DAPK2: variants seen among roughly 807,000 people sequenced by gnomAD.
DAPK2 encodes the protein death associated protein kinase 2, also known as death-associated protein kinase 2.
Under a neutral mutation model 44.1 loss-of-function variants are expected in DAPK2, and 35 were observed. That is an observed-to-expected ratio of 0.79 (90% confidence interval 0.61 to 1.05). The LOEUF (loss-of-function observed/expected upper bound fraction) is 1.05, where lower values mean the gene tolerates loss of function less well. DAPK2 is among the 50% of genes least tolerant of loss of function. The pLI, the probability that DAPK2 is intolerant of heterozygous loss-of-function variation, is 0.00. For missense variants in DAPK2, 453 were observed against 483.2 expected, an observed-to-expected ratio of 0.94 and a Z score of 0.59; for synonymous variants, 174 against 182.6, an observed-to-expected ratio of 0.95 and a Z score of 0.38.
chr15:64,022,021 G>A (rs925143412), intron 1 of DAPK2, among the ~76,000 whole-genome samples: 1 of 152,180 alleles, frequency 6.6e-6, no homozygotes, highest in Non-Finnish European at 1.5e-5. Flanking sequence ...CACTGGATAG[G>A]GTGGAGATGG....
chr15:63,908,681 T>G lies in DAPK2; in HGVS notation c.1033-81A>C. ...ATGGGGCTGTGCTGGGCAACCTGGG[T>G]TGATTCACCTGGACCACGGGACTAC... is the stretch of plus-strand genomic sequence containing the variant. On this transcript the variant is annotated intron_variant, in intron 10 of 10. Coordinates refer to ENST00000261891, the Ensembl canonical transcript of DAPK2. The surrounding 1 kb of genome is among the most constrained non-coding windows in gnomAD (Gnocchi z 5.7). The G allele has an allele frequency of 8.1e-7, 1 of 1,229,144 alleles. No homozygotes were observed. The highest frequency in any genetic ancestry group is 2.8e-5 in the East Asian group (1 of 35,706). 76.1% of individuals were successfully genotyped at this position (1,229,144 alleles called of 1,614,324 possible). A position where few individuals can be genotyped will look rare whatever the true frequency, so the allele number is the denominator to read the frequency against.
chr15:63,970,494 C>G (rs2140733607), intron 3 of DAPK2, among the ~76,000 whole-genome samples: 1 of 152,308 alleles, frequency 6.6e-6, no homozygotes, highest in East Asian at 1.9e-4. Context: ...CCCCACCCAC[C>G]CTGGGCTTCC....
intron 1 of DAPK2, among the ~76,000 whole-genome samples, chr15:64,016,843 GGAAGGAAGGAAGGAA>G (rs2079542522): frequency 4.4e-3 from 6 of 1,376 alleles, no homozygotes; most frequent in Non-Finnish European, 0.031. Flanking sequence ...AAGGAGGGAA[GGAAGGAAGGAAGGAA>G]GGAAGGAAGG....
chr15:64,012,138 G>A (rs2141026143), intron 1 of DAPK2, among the ~76,000 whole-genome samples: 1 of 152,274 alleles, frequency 6.6e-6, no homozygotes, highest in Admixed American at 6.5e-5. Context: ...ATACATTACT[G>A]ACTGTCACTA....
intron 1 of DAPK2, among the ~76,000 whole-genome samples, chr15:64,036,336 T>TATATATAC (rs1331157703): frequency 1.0e-4 from 12 of 115,096 alleles, no homozygotes; most frequent in African/African-American, 2.9e-4. Flanking sequence ...TATATATATA[T>TATATATAC]ACATATATAT....
At chr15:63,938,397 C>T (rs970698325) in intron 4 of DAPK2, among the ~76,000 whole-genome samples, 1 of 152,248 alleles carries the variant, frequency 6.6e-6, no homozygotes. Context: ...GCTTCCTGCC[C>T]TGGGATCTGT....
At chr15:63,951,146 G>C (rs1484350999) in intron 3 of DAPK2, among the ~76,000 whole-genome samples, 2 of 152,158 alleles carry the variant, frequency 1.3e-5, no homozygotes, top group African/African-American at 4.8e-5. Flanking sequence ...CATCAGACCT[G>C]AAAACTTCAC....
intron 1 of DAPK2, among the ~76,000 whole-genome samples, chr15:64,033,226 C>T (rs2080067694): frequency 7.0e-6 from 1 of 143,396 alleles, no homozygotes; most frequent in Non-Finnish European, 1.5e-5. Flanking sequence ...AACCACTGCA[C>T]TCCAGCCTGA....
At position 63,916,335 on chromosome 15, in the gene DAPK2, C is replaced by T. The variant is rs1237945147; in HGVS notation, c.859-4138G>A. 6.6e-6 allele frequency: 1 copy of T among 152,146 alleles called. No homozygotes were observed. The highest frequency in any genetic ancestry group is 1.5e-5 in the Non-Finnish European group (1 of 68,176). The allele number at this position is 152,146 out of a possible 1,614,324, so 9.4% of individuals were successfully genotyped here. On this transcript the variant is annotated intron_variant, in intron 8 of 10. Transcript: ENST00000261891. The surrounding 1 kb of genome is among the most constrained non-coding windows in gnomAD (Gnocchi z 4.7). The stretch of plus-strand genomic sequence containing the variant: ...TCCACCCCCCACACAACGATTTTCT[C>T]TAGATACTAGGTCTTCTTTAGGAAC...
chr15:63,930,359 C>T lies in DAPK2; in HGVS notation c.632+48G>A, dbSNP rs143777468. 3.3e-3 allele frequency: 5,227 copies of T among 1,589,814 alleles called. 19 individuals are homozygous for T. The highest frequency in any genetic ancestry group is 7.8e-3 in the Middle Eastern group (47 of 6,016). On this transcript the variant is annotated intron_variant, in intron 5 of 10. Transcript: ENST00000261891. ...ACCTGGAGCAGGATCTGAGGCCTTC[C>T]GCCCTTGGAAGGATCGCTAGGTCAC...
intron 1 of DAPK2, among the ~76,000 whole-genome samples, chr15:64,032,477 CCAGATAAGCCT>C (rs2080044044): frequency 6.6e-6 from 1 of 152,176 alleles, no homozygotes; most frequent in Non-Finnish European, 1.5e-5. Flanking sequence ...TAAACAAGTG[CCAGATAAGCCT>C]CATCTCATAC....
rs1197191659 is a variant in DAPK2 at position 63,912,644 on chromosome 15, T to A, written c.859-447A>T. On this transcript the variant is annotated intron_variant, in intron 8 of 10. Transcript: ENST00000261891. This position sits in a 1 kb window ranked among gnomAD's most constrained non-coding sequence, Gnocchi z 4.4. ...AAATGGAAGGAAATAAGGGCTTTGATGAAAGTCAAGAGGCAACAGGATGTG... is the reference window on the plus strand; with the variant it reads ...AAATGGAAGGAAATAAGGGCTTTGAAGAAAGTCAAGAGGCAACAGGATGTG... Among the ~76,000 whole-genome samples, 1 of 152,200 alleles carries A rather than the reference T, an allele frequency of 6.6e-6. No homozygotes were observed. The highest frequency in any genetic ancestry group is 1.5e-5 in the Non-Finnish European group (1 of 68,038).
intron 1 of DAPK2, among the ~76,000 whole-genome samples, chr15:63,984,924 G>A (rs1210843798): frequency 1.3e-5 from 2 of 152,202 alleles, no homozygotes; most frequent in African/African-American, 2.4e-5. Context: ...AATACCCGGA[G>A]TGGCAATAAC....
At chr15:64,032,451 G>A (rs2080043289) in intron 1 of DAPK2, among the ~76,000 whole-genome samples, 1 of 152,208 alleles carries the variant, frequency 6.6e-6, no homozygotes, top group Admixed American at 6.5e-5. Flanking sequence ...CTCTGAACCT[G>A]CTTTCAAAGA....
chr15:63,959,433 A>G (rs2077822686), intron 3 of DAPK2, among the ~76,000 whole-genome samples: 1 of 152,264 alleles, frequency 6.6e-6, no homozygotes, highest in Non-Finnish European at 1.5e-5. Context: ...GTCTTGTGCC[A>G]GTTTTCAAAG....
intron 1 of DAPK2, among the ~76,000 whole-genome samples, chr15:63,999,023 G>T (rs4776704): frequency 0.22 from 32,814 of 152,032 alleles, 4,702 homozygotes; most frequent in East Asian, 0.79. Flanking sequence ...GCTGTTTTGT[G>T]AAATTTTCTA....
chr15:64,007,206 C>T (rs1353728991), intron 1 of DAPK2, among the ~76,000 whole-genome samples: 1 of 152,002 alleles, frequency 6.6e-6, no homozygotes, highest in African/African-American at 2.4e-5. Context: ...CTCCAGTGAT[C>T]CTCCCACCTC....
chr15:63,929,746 CG>C (rs2079465745), intron 5 of DAPK2, 169 bp from the exon 7 acceptor site: 3 of 797,580 alleles, frequency 3.8e-6, no homozygotes, highest in African/African-American at 3.4e-5. Flanking sequence ...AGCAGCAGCC[CG>C]GGGTGTGTTT....
intron 10 of DAPK2, 146 bp downstream of exon 11, chr15:63,911,762 T>G: frequency 1.2e-6 from 1 of 810,568 alleles, no homozygotes; most frequent in Non-Finnish European, 2.0e-6. Flanking sequence ...CACTTCAGCC[T>G]TCAGGGAAGA....
Sources: gnomAD v4.1 joint callset for allele counts (sites outside exome capture counted in the v4.1 genomes callset) on GRCh38, gnomAD v4.1.1 for gene constraint, Gnocchi (gnomAD v3.1) non-coding constraint, MANE v1.5 for transcripts, NCBI Gene and HGNC (gene_info 2026-07-23, HGNC 2026-07-21) for gene names.